The following MAGI2 variants were observed in gnomAD, a reference collection of about 807,000 sequenced individuals.
The protein encoded by MAGI2 is membrane associated guanylate kinase, WW and PDZ domain containing 2.
MAGI2 carries 35 observed loss-of-function variants against 133.3 expected under a neutral mutation model. The ratio of observed to expected loss-of-function variants is 0.26; its 90% CI spans 0.20 to 0.35. The LOEUF (loss-of-function observed/expected upper bound fraction) is 0.35. Among genes scored for constraint, MAGI2 ranks in the 10% least tolerant of loss-of-function variants. MAGI2 has a pLI of 1.00. For synonymous variants in MAGI2, 729 were observed against 710.6 expected, an observed-to-expected ratio of 1.03 and a Z score of -0.41; for missense variants, 1,636 against 1,863.4, an observed-to-expected ratio of 0.88 and a Z score of 2.25.
At chr7:78,919,109 TG>T (rs1332156076) in intron 2 of MAGI2, among the ~76,000 whole-genome samples, 1 of 152,084 alleles carries the variant, frequency 6.6e-6, no homozygotes, top group African/African-American at 2.4e-5. Context: ...CATTGCATAG[TG>T]GAAGAGTCAC....
intron 3 of MAGI2, among the ~76,000 whole-genome samples, chr7:78,526,736 G>A (rs920668221): frequency 6.6e-6 from 1 of 152,098 alleles, no homozygotes; most frequent in South Asian, 2.1e-4. Context: ...TTGGCCGGGT[G>A]CCGTGGCTCA....
rs1313965589 is a variant in MAGI2 at position 79,208,765 on chromosome 7, A to AT, written c.302-201560dup. Among the ~76,000 whole-genome samples the AT allele has an allele frequency of 4.6e-5, 7 of 152,146 alleles. No homozygotes were observed. The East Asian group carries it at 1.3e-3, about 29-fold the overall frequency. The stretch of plus-strand genomic sequence containing the variant: ...TATAACATTATTTACAATAGACAAG[A>AT]TATGGAATTAACCTAAGTGTTCATC... On this transcript the variant is annotated intron_variant, in intron 1 of 21. Coordinates refer to ENST00000354212, the MANE Select transcript of MAGI2 (RefSeq NM_012301.4).
intron 1 of MAGI2, chr7:79,414,945 ATACTACAT>A (rs1261532065): frequency 6.6e-6 from 1 of 152,158 alleles, no homozygotes; most frequent in Non-Finnish European, 1.5e-5. Flanking sequence ...GGGAGGGACT[ATACTACAT>A]TAACTTCTCT....
In MAGI2 at chr7:79,171,760, A is replaced by ATG. The variant is rs1221031678; in HGVS notation, c.302-164555_302-164554insCA. 8.9e-3 allele frequency among the ~76,000 whole-genome samples: 288 copies of ATG among 32,268 alleles called. 14 individuals carry two copies. Among genetic ancestry groups the ATG allele is most frequent in the Non-Finnish European group, 0.024 (243 of 10,166 alleles). 21.2% of individuals were successfully genotyped at this position (32,268 alleles called of 152,430 possible). On this transcript the variant is annotated intron_variant, in intron 1 of 21. Transcript: ENST00000354212. ...TAGCCAAAAATATATATATATATATATATATATATATTTTTTTTTTTTTTT... is the reference window on the plus strand; with the variant it reads ...TAGCCAAAAATATATATATATATATATGTATATATATATTTTTTTTTTTTTTT...
intron 1 of MAGI2, among the ~76,000 whole-genome samples, chr7:79,308,934 A>G (rs1838036304): frequency 6.6e-6 from 1 of 152,162 alleles, no homozygotes; most frequent in Non-Finnish European, 1.5e-5. Context: ...AAATTAATTC[A>G]AAGTTGAACA....
In MAGI2 at chr7:79,397,641, G is replaced by C. The variant is rs191594973; in HGVS notation, c.301+55379C>G. ...TATTAACATTTCTTGATATTTGTTA[G>C]TTTGATAGGTAATGACTATCTCATA... On this transcript the variant is annotated intron_variant, in intron 1 of 21. Coordinates refer to ENST00000354212, the MANE Select transcript of MAGI2 (RefSeq NM_012301.4). 5.1e-4 allele frequency among the ~76,000 whole-genome samples: 77 copies of C among 152,170 alleles called. 1 individual carries two copies. Among genetic ancestry groups the C allele is most frequent in the Non-Finnish European group, 1.0e-3 (68 of 67,986 alleles).
intron 1 of MAGI2, among the ~76,000 whole-genome samples, chr7:79,227,719 A>T (rs1830977596): frequency 6.6e-6 from 1 of 152,220 alleles, no homozygotes; most frequent in Admixed American, 6.5e-5. Context: ...CCAAATCACA[A>T]GCAAATTAGA....
At chr7:78,808,597 C>T (rs1788782817) in intron 2 of MAGI2, among the ~76,000 whole-genome samples, 2 of 152,058 alleles carry the variant, frequency 1.3e-5, no homozygotes, top group South Asian at 2.1e-4. Flanking sequence ...AAAATAATGA[C>T]GGAAAGATAA....
intron 3 of MAGI2, among the ~76,000 whole-genome samples, chr7:78,565,484 A>C (rs1178928663): frequency 6.6e-6 from 1 of 152,032 alleles, no homozygotes; most frequent in Non-Finnish European, 1.5e-5. Flanking sequence ...TAAAAAAAAA[A>C]AAAAGATAAG....
At chr7:79,219,788 G>C (rs1335304859) in intron 1 of MAGI2, among the ~76,000 whole-genome samples, 1 of 151,826 alleles carries the variant, frequency 6.6e-6, no homozygotes, top group Non-Finnish European at 1.5e-5. Context: ...TCTCAATACT[G>C]CCATCTGCAT....
rs778917317 is a variant in MAGI2, at chr7:78,019,896, C to T, written c.3787G>A (p.Ala1263Thr). Residue 1263 changes from alanine (A) to threonine (T), a missense_variant, in exon 22 of 22, where the codon GCT becomes ACT. Ala to Thr is a moderately conservative substitution (Grantham distance 58). Around this residue, in one of 5 missense-constraint regions of MAGI2, gnomAD observed 354 missense variants for 298.7 expected, o/e 1.19. Coordinates refer to ENST00000354212, the MANE Select transcript of MAGI2 (RefSeq NM_012301.4). ...EVGVSLDDGL[A>T]PFSPSHPAPP... ...GCTGGATGTGATGGAGAGAATGGAG[C>T]GAGGCCGTCGTCCAGGGAGACGCCT... 3.1e-6 allele frequency: 5 copies of T among 1,611,092 alleles called. No homozygotes were observed. Among genetic ancestry groups the T allele is most frequent in the Non-Finnish European group, 3.4e-6 (4 of 1,179,006 alleles).
intron 1 of MAGI2, among the ~76,000 whole-genome samples, chr7:79,044,909 A>T (rs1020470288): frequency 1.3e-5 from 2 of 152,224 alleles, no homozygotes; most frequent in Non-Finnish European, 2.9e-5. Flanking sequence ...ACCCTACTAC[A>T]CTGCAATTCT....
chr7:78,745,497 G>T (rs142700223), intron 2 of MAGI2, among the ~76,000 whole-genome samples: 1 of 151,730 alleles, frequency 6.6e-6, no homozygotes, highest in African/African-American at 2.4e-5. Context: ...CAAGGTGTGT[G>T]CTTTCTAATA....
At chr7:78,538,642 C>T (rs1487664816) in intron 3 of MAGI2, among the ~76,000 whole-genome samples, 12 of 152,034 alleles carry the variant, frequency 7.9e-5, no homozygotes, top group Admixed American at 7.9e-4. Flanking sequence ...TGTTTCTCAC[C>T]TTGGTTGCTG....
At chr7:78,311,284 G>C (rs1798679657) in intron 9 of MAGI2, among the ~76,000 whole-genome samples, 1 of 152,178 alleles carries the variant, frequency 6.6e-6, no homozygotes. Flanking sequence ...GCAGTGGGGA[G>C]GGTGGAAAAG....
chr7:79,101,572 A>G (rs927585081), intron 1 of MAGI2, among the ~76,000 whole-genome samples: 1 of 151,908 alleles, frequency 6.6e-6, no homozygotes, highest in Non-Finnish European at 1.5e-5. Flanking sequence ...AAAATACAAA[A>G]AATTAGGCAG....
intron 1 of MAGI2, among the ~76,000 whole-genome samples, chr7:79,331,698 C>T (rs1840080866): frequency 6.6e-6 from 1 of 152,106 alleles, no homozygotes; most frequent in African/African-American, 2.4e-5. Context: ...GCAACTTAGT[C>T]TAGTGCCATT....
chr7:79,021,807 T>G (rs1245276621), intron 1 of MAGI2, among the ~76,000 whole-genome samples: 3 of 151,078 alleles, frequency 2.0e-5, no homozygotes, highest in Non-Finnish European at 4.4e-5. Context: ...GACATGAGAT[T>G]TGGGAGGGGC....
chr7:78,600,824 A>C (rs2150877101), intron 3 of MAGI2, among the ~76,000 whole-genome samples: 1 of 152,262 alleles, frequency 6.6e-6, no homozygotes, highest in South Asian at 2.1e-4. Context: ...AATGTGTAAA[A>C]TTGATAAATC....
Sources: gnomAD v4.1 joint callset for allele counts (sites outside exome capture counted in the v4.1 genomes callset) on GRCh38, gnomAD v4.1.1 for gene constraint, gnomAD v4.1.1 regional missense constraint, MANE v1.5 for transcripts, NCBI Gene and HGNC (gene_info 2026-07-23, HGNC 2026-07-21) for gene names.